Variants in INSC observed in about 807,000 individuals in gnomAD.
The protein encoded by INSC is protein inscuteable homolog.
In INSC, 67 loss-of-function variants were observed where a neutral mutation model predicts 58.6. That is an observed-to-expected ratio of 1.14 (90% CI 0.94 to 1.40). The LOEUF is 1.40. INSC is among the 40% of genes most tolerant of loss of function. INSC has a pLI of 0.00. For missense variants in INSC, 714 were observed against 692.0 expected (o/e 1.03, Z -0.36); for synonymous variants, 262 against 276.1 (o/e 0.95, Z 0.51).
the INSC span, among the ~76,000 whole-genome samples, chr11:15,252,399 A>G: frequency 3.3e-5 from 5 of 152,364 alleles, no homozygotes; most frequent in South Asian, 1.0e-3. Flanking sequence ...TGTTACTTTA[A>G]AAAATGTGTC....
At chr11:15,269,600 C>T in the INSC span, among the ~76,000 whole-genome samples, 1 of 151,752 alleles carries the variant, frequency 6.6e-6, no homozygotes. Flanking sequence ...TGAGGAGGAA[C>T]ATGTGTAAAG....
chr11:15,186,047 C>T (rs1714371), intron 5 of INSC, among the ~76,000 whole-genome samples: 119,460 of 151,988 alleles, frequency 0.79, 47,104 homozygotes, highest in East Asian at 0.99. Flanking sequence ...AAGATCCCTA[C>T]CTGCTGGGAA....
intron 1 of INSC, among the ~76,000 whole-genome samples, chr11:15,116,078 G>C (rs1847685604): frequency 6.6e-6 from 1 of 152,286 alleles, no homozygotes; most frequent in East Asian, 1.9e-4. Flanking sequence ...ATCTGAAACT[G>C]AGGCTGTCCA....
chr11:15,221,679 G>C, intron 8 of INSC, 31 bp downstream of exon 8: 1 of 1,580,128 alleles, frequency 6.3e-7, no homozygotes, highest in Middle Eastern at 1.7e-4. Flanking sequence ...GGACCACTAG[G>C]AGAGAGGGCC....
intron 1 of INSC, among the ~76,000 whole-genome samples, chr11:15,126,793 T>C (rs1376148854): frequency 6.6e-6 from 1 of 152,216 alleles, no homozygotes; most frequent in African/African-American, 2.4e-5. Context: ...GAACAGATGC[T>C]CTACCTGACC....
intron 7 of INSC, among the ~76,000 whole-genome samples, chr11:15,220,529 C>T (rs1339498043): frequency 1.3e-5 from 2 of 152,210 alleles, no homozygotes; most frequent in Non-Finnish European, 2.9e-5. Context: ...AAAACCTGGG[C>T]TTTGACACCA....
chr11:15,235,543 G>C, intron 9 of INSC, 59 bp from the exon 10 acceptor site: 1 of 1,334,500 alleles, frequency 7.5e-7, no homozygotes, highest in Non-Finnish European at 1.1e-6. Flanking sequence ...CTGTCTGTAG[G>C]GAGGACTATT....
chr11:15,146,677 C>T (rs922579558), intron 1 of INSC, among the ~76,000 whole-genome samples: 1 of 152,180 alleles, frequency 6.6e-6, no homozygotes, highest in African/African-American at 2.4e-5. Flanking sequence ...TTGCCTTGTT[C>T]CTGCTGTGTT....
the INSC span, among the ~76,000 whole-genome samples, chr11:15,262,729 TTTAA>T: frequency 6.6e-6 from 1 of 151,770 alleles, no homozygotes; most frequent in Non-Finnish European, 1.5e-5. Context: ...AAAGTGGTTC[TTTAA>T]TTAGTTGAAA....
intron 2 of INSC, among the ~76,000 whole-genome samples, chr11:15,172,730 T>A (rs750966774): frequency 6.6e-6 from 1 of 152,164 alleles, no homozygotes; most frequent in Non-Finnish European, 1.5e-5. Context: ...GAGAGTGGTA[T>A]GTTCGGGAAA....
intron 2 of INSC, among the ~76,000 whole-genome samples, chr11:15,149,967 C>G (rs561299231): frequency 1.3e-5 from 2 of 152,310 alleles, no homozygotes; most frequent in South Asian, 4.1e-4. Flanking sequence ...CACAGCAAAT[C>G]AATTGGGAGG....
intron 1 of INSC, among the ~76,000 whole-genome samples, chr11:15,144,660 A>G (rs1323636751): frequency 6.6e-6 from 1 of 152,220 alleles, no homozygotes; most frequent in East Asian, 1.9e-4. Context: ...AATCCCAGAC[A>G]TGCTTGGAGC....
chr11:15,218,579 C>CAT lies in INSC; in HGVS notation c.820-2889_820-2888dup, dbSNP rs531223977. On this transcript the variant is annotated intron_variant, in intron 7 of 12. Coordinates refer to ENST00000379556, the MANE Select transcript of INSC (RefSeq NM_001042536.3). ...CTCTCTCTCTATATATATATATGTA[C>CAT]ATATATATATTTCCCTTTTGAAGGG... Among the ~76,000 whole-genome samples, 27 of 151,642 alleles carry CAT rather than the reference C, an allele frequency of 1.8e-4. No homozygotes were observed. The South Asian group carries it at 2.9e-3, about 16-fold the overall frequency.
intron 6 of INSC, among the ~76,000 whole-genome samples, chr11:15,193,727 T>C (rs1850267617): frequency 1.3e-5 from 2 of 152,230 alleles, no homozygotes; most frequent in South Asian, 4.1e-4. Flanking sequence ...GTCTTTGCTA[T>C]TGTGAATAGT....
At chr11:15,265,382 A>G in the INSC span, among the ~76,000 whole-genome samples, 158 of 152,198 alleles carry the variant, frequency 1.0e-3, 2 homozygotes, top group Middle Eastern at 0.024. Flanking sequence ...TTTGTAAGAT[A>G]GAAATATTTT....
chr11:15,246,175 G>T lies in INSC; in HGVS notation c.*135G>T. ...AACTTATTTTTGTGTGAAATAAATG[G>T]AGGACAAAATCTTAGAGCAACATCA... On this transcript the variant is annotated 3_prime_UTR_variant, in exon 13 of 13. Transcript: ENST00000379556. 1.1e-6 allele frequency: 1 copy of T among 936,778 alleles called. No individual in the cohort carries two copies. Among genetic ancestry groups the T allele is most frequent in the African/African-American group, 1.6e-5 (1 of 60,870 alleles). 58.0% of individuals were successfully genotyped at this position (936,778 alleles called of 1,614,324 possible).
At chr11:15,116,149 C>T (rs75500044) in intron 1 of INSC, among the ~76,000 whole-genome samples, 1,955 of 152,218 alleles carry the variant, frequency 0.013, 22 homozygotes, top group South Asian at 0.05. Context: ...CACTGTTCGC[C>T]CTTTTAGAAG....
intron 7 of INSC, among the ~76,000 whole-genome samples, chr11:15,211,678 G>A (rs772092866): frequency 6.6e-6 from 1 of 151,916 alleles, no homozygotes; most frequent in African/African-American, 2.4e-5. Flanking sequence ...TAAAATTTTG[G>A]CTTATGATAT....
At chr11:15,137,226 G>A (rs141082267) in intron 1 of INSC, among the ~76,000 whole-genome samples, 100 of 152,302 alleles carry the variant, frequency 6.6e-4, no homozygotes, top group African/African-American at 2.3e-3. Context: ...TCTAGGCTTT[G>A]ATGTTACATT....
Sources: gnomAD v4.1 joint callset for allele counts (sites outside exome capture counted in the v4.1 genomes callset) on GRCh38, gnomAD v4.1.1 for gene constraint, MANE v1.5 for transcripts, NCBI Gene and HGNC (gene_info 2026-07-23, HGNC 2026-07-21) for gene names.